PAX7: variants seen among roughly 807,000 people sequenced by gnomAD.
PAX7 encodes the protein paired box protein Pax-7.
PAX7 carries 18 observed loss-of-function variants against 50.7 expected under a neutral mutation model. That is an observed-to-expected ratio of 0.36 (90% CI 0.25 to 0.53). The LOEUF (loss-of-function observed/expected upper bound fraction) is 0.53, where lower values mean the gene tolerates loss of function less well. Ranked by LOEUF, PAX7 falls within the 20% of genes least tolerant of loss-of-function variation. The pLI is 0.93. For missense variants in PAX7, 644 were observed against 702.9 expected (o/e 0.92, Z 0.95); for synonymous variants, 310 against 290.4 (o/e 1.07, Z -0.69).
At chr1:18,651,733 G>T (rs532414065) in intron 4 of PAX7, among the ~76,000 whole-genome samples, 12 of 152,132 alleles carry the variant, frequency 7.9e-5, no homozygotes, top group Admixed American at 7.2e-4. Context: ...TGGAAGATTT[G>T]CAGGTGTTTG....
chr1:18,735,361 G>A lies in PAX7; in HGVS notation c.1156-271G>A, dbSNP rs2089696912. Among the ~76,000 whole-genome samples the A allele has an allele frequency of 6.6e-6, 1 of 152,150 alleles. No homozygotes were observed. The highest frequency in any genetic ancestry group is 2.1e-4 in the South Asian group (1 of 4,830). ...GTGACCCTTAGGGCCAGACCCTGGA[G>A]CTAGAGAGGCGAGTAAGGCCCTGCT... On this transcript the variant is annotated intron_variant, in intron 7 of 8. Transcript: ENST00000420770. This position sits in a 1 kb window ranked among gnomAD's most constrained non-coding sequence, Gnocchi z 4.0.
At chr1:18,744,473 TG>T (rs60310813) in intron 8 of PAX7, among the ~76,000 whole-genome samples, 11 of 129,894 alleles carry the variant, frequency 8.5e-5, no homozygotes, top group East Asian at 2.5e-4. Context: ...GATGGATGGA[TG>T]GATGGATAAA....
rs142007887 is a variant in PAX7, at chr1:18,710,287, C to T, written c.1155+6991C>T. ...ACCCAGGAACCTCACCACCACTTGA[C>T]TCTCAGCAAGACACGACCAAGACAG... On this transcript the variant is annotated intron_variant, in intron 7 of 8. Coordinates refer to ENST00000420770, the MANE Select transcript of PAX7 (RefSeq NM_001135254.2). 4.8e-3 allele frequency among the ~76,000 whole-genome samples: 734 copies of T among 152,288 alleles called. 5 individuals are homozygous for T. The highest frequency in any genetic ancestry group is 0.017 in the African/African-American group (686 of 41,532).
chr1:18,724,191 G>A (rs963825948), intron 7 of PAX7, among the ~76,000 whole-genome samples: 2 of 152,160 alleles, frequency 1.3e-5, no homozygotes, highest in South Asian at 4.1e-4. Context: ...TCCGGGAGAG[G>A]GCTGGCTGGG....
intron 4 of PAX7, among the ~76,000 whole-genome samples, chr1:18,660,906 T>A (rs1028796909): frequency 5.3e-5 from 8 of 152,194 alleles, no homozygotes; most frequent in Non-Finnish European, 8.8e-5. Context: ...ACCCTCGGTT[T>A]TCTTGGCTGT....
chr1:18,703,052 A>T (rs1416464), intron 6 of PAX7, 42 bp from the exon 7 acceptor site: 1 of 1,571,772 alleles, frequency 6.4e-7, no homozygotes, highest in Non-Finnish European at 8.7e-7. Flanking sequence ...AGCGTCCAGG[A>T]TGAGGCCACT....
intron 4 of PAX7, among the ~76,000 whole-genome samples, chr1:18,647,059 G>A (rs2088354449): frequency 6.6e-6 from 1 of 150,564 alleles, no homozygotes; most frequent in East Asian, 2.0e-4. Flanking sequence ...CGACCCGCGC[G>A]GGAAGGGGCG....
At chr1:18,679,647 T>G (rs544177021) in intron 4 of PAX7, among the ~76,000 whole-genome samples, 5 of 152,272 alleles carry the variant, frequency 3.3e-5, no homozygotes, top group Non-Finnish European at 5.9e-5. Flanking sequence ...CCCCCTCTTC[T>G]CTGTAGGTAC....
At chr1:18,663,367 T>C (rs1372088405) in intron 4 of PAX7, among the ~76,000 whole-genome samples, 1 of 152,156 alleles carries the variant, frequency 6.6e-6, no homozygotes, top group Non-Finnish European at 1.5e-5. Context: ...CTGGAATTTG[T>C]GGGGTTTGTT....
intron 5 of PAX7, among the ~76,000 whole-genome samples, chr1:18,694,432 C>T (rs1009492879): frequency 6.6e-6 from 1 of 151,054 alleles, no homozygotes; most frequent in African/African-American, 2.4e-5. Context: ...GCACTCCAGC[C>T]TGTGCAGCAA....
intron 4 of PAX7, among the ~76,000 whole-genome samples, chr1:18,672,763 G>A (rs1013791710): frequency 6.6e-6 from 1 of 151,756 alleles, no homozygotes; most frequent in Non-Finnish European, 1.5e-5. Context: ...GTACTACCAC[G>A]CCCGGCTAAT....
Position 18,744,704 on chromosome 1 carries a change from G to A in PAX7, c.1403-110G>A, listed in dbSNP as rs796781665. On this transcript the variant is annotated intron_variant, in intron 8 of 8. Coordinates refer to ENST00000420770, the MANE Select transcript of PAX7 (RefSeq NM_001135254.2). ...TGGATGGATAAATGGATGGATGGAT[G>A]GATGGATGGATGGATGGATGGATGG... is the stretch of plus-strand genomic sequence containing the variant. 3,521 of 587,856 alleles carry A rather than the reference G, an allele frequency of 6.0e-3. 29 individuals carry two copies. The highest frequency in any genetic ancestry group is 0.029 in the African/African-American group (1,421 of 49,032). The allele number at this position is 587,856 out of a possible 1,614,324, so 36.4% of individuals were successfully genotyped here.
At chr1:18,696,563 C>A (rs1415840158) in intron 5 of PAX7, among the ~76,000 whole-genome samples, 1 of 152,116 alleles carries the variant, frequency 6.6e-6, no homozygotes, top group Admixed American at 6.6e-5. Context: ...TACTATTCAG[C>A]CATAAAAAAG....
rs139719843 is a variant in PAX7, at chr1:18,656,884, C to T, written c.586+20513C>T. Among the ~76,000 whole-genome samples, 885 of 151,864 alleles carry T rather than the reference C, an allele frequency of 5.8e-3. 7 individuals are homozygous for T. Among genetic ancestry groups the T allele is most frequent in the African/African-American group, 0.02 (816 of 41,408 alleles). On this transcript the variant is annotated intron_variant, in intron 4 of 8. Coordinates refer to ENST00000420770, the MANE Select transcript of PAX7 (RefSeq NM_001135254.2). Reference sequence around the variant, plus strand: ...GGGCACGCCTGTGGTCACAGCTACTCGGGAGGCTGAGGAGGGAGGATTGCC... The same window carrying T: ...GGGCACGCCTGTGGTCACAGCTACTTGGGAGGCTGAGGAGGGAGGATTGCC...
At chr1:18,653,441 G>A (rs566409619) in intron 4 of PAX7, among the ~76,000 whole-genome samples, 8 of 152,270 alleles carry the variant, frequency 5.3e-5, no homozygotes, top group Admixed American at 5.2e-4. Context: ...GTTGGTTTGT[G>A]GTTAGACTTG....
rs574368711 is a variant in PAX7 at position 18,633,865 on chromosome 1, C to T, written c.86-438C>T. Among the ~76,000 whole-genome samples, 8 of 152,372 alleles carry T rather than the reference C, an allele frequency of 5.3e-5. No individual in the cohort carries two copies. In the East Asian group the frequency reaches 7.7e-4, roughly 15 times the overall value. Reference sequence around the variant, plus strand: ...ACACCCGTTATTGGCCTCTCCAAGACGCAGGCAGGCCTGCAGCCCAAGCTT... The same window carrying T: ...ACACCCGTTATTGGCCTCTCCAAGATGCAGGCAGGCCTGCAGCCCAAGCTT... On this transcript the variant is annotated intron_variant, in intron 1 of 8. Coordinates refer to ENST00000420770, the MANE Select transcript of PAX7 (RefSeq NM_001135254.2).
At position 18,701,889 on chromosome 1, in the gene PAX7, G is replaced by C. The variant is rs532404071; in HGVS notation, c.952+1071G>C. 2.6e-5 allele frequency among the ~76,000 whole-genome samples: 4 copies of C among 152,296 alleles called. No homozygotes were observed. In the East Asian group the frequency reaches 7.7e-4, roughly 30 times the overall value. ...AGAGGATAGGGGATCAGGGGGCCTT[G>C]GGAGAGGAAAGGAAAGTCTGGGTCT... is the stretch of plus-strand genomic sequence containing the variant. On this transcript the variant is annotated intron_variant, in intron 6 of 8. Transcript: ENST00000420770.
At chr1:18,744,689 A>ATAGATGGATGGATGGATGG (rs1220454312) in intron 8 of PAX7, 125 bp from the exon 9 acceptor site, 1 of 400,514 alleles carries the variant, frequency 2.5e-6, no homozygotes, top group African/African-American at 2.9e-5. Flanking sequence ...TGGATGGATA[A>ATAGATGGATGGATGGATGG]ATGGATGGAT....
chr1:18,672,506 C>G (rs2088765058), intron 4 of PAX7, among the ~76,000 whole-genome samples: 1 of 151,762 alleles, frequency 6.6e-6, no homozygotes, highest in Non-Finnish European at 1.5e-5. Flanking sequence ...TCAGGAAACA[C>G]GAGGTGCAGC....
Sources: gnomAD v4.1 joint callset for allele counts (sites outside exome capture counted in the v4.1 genomes callset) on GRCh38, gnomAD v4.1.1 for gene constraint, Gnocchi (gnomAD v3.1) non-coding constraint, MANE v1.5 for transcripts, NCBI Gene and HGNC (gene_info 2026-07-23, HGNC 2026-07-21) for gene names.